The following PCDH15 variants were observed in gnomAD, a reference collection of about 807,000 sequenced individuals.
The protein encoded by PCDH15 is protocadherin related 15.
A neutral mutation model predicts 178.5 loss-of-function variants in PCDH15; 129 were observed. The ratio of observed to expected loss-of-function variants is 0.72; its 90% CI spans 0.63 to 0.84. PCDH15 has a LOEUF of 0.84. Ranked by LOEUF, PCDH15 falls within the 40% of genes least tolerant of loss-of-function variation. PCDH15 has a pLI of 0.00. For missense variants in PCDH15, 2,230 were observed against 2,099.9 expected (o/e 1.06, Z -1.21); for synonymous variants, 800 against 732.0 (o/e 1.09, Z -1.50).
intron 2 of PCDH15, among the ~76,000 whole-genome samples, chr10:55,050,193 T>C (rs747063437): frequency 3.3e-5 from 5 of 151,978 alleles, no homozygotes; most frequent in Non-Finnish European, 5.9e-5. Flanking sequence ...ATATAACAGT[T>C]TTTCCTGAGC....
intron 23 of PCDH15, among the ~76,000 whole-genome samples, chr10:53,947,671 G>T (rs36074661): frequency 0.084 from 12,845 of 152,100 alleles, 586 homozygotes; most frequent in East Asian, 0.12. Context: ...CATGAATCAG[G>T]AGAGAGATGC....
intron 2 of PCDH15, among the ~76,000 whole-genome samples, chr10:55,432,082 A>AACAAACACACACACACACACAC (rs1838893242): frequency 6.7e-6 from 1 of 148,402 alleles, no homozygotes; most frequent in Non-Finnish European, 1.5e-5. Flanking sequence ...CTATCATTTA[A>AACAAACACACACACACACACAC]ACACACACAC....
chr10:55,068,758 T>G (rs914891388), intron 2 of PCDH15, among the ~76,000 whole-genome samples: 1 of 139,810 alleles, frequency 7.2e-6, no homozygotes, highest in African/African-American at 2.6e-5. Flanking sequence ...TCTCTTCACT[T>G]TCTTTCATCA....
chr10:54,329,835 A>C, intron 6 of PCDH15, 129 bp from the exon 7 acceptor site: 1 of 721,826 alleles, frequency 1.4e-6, no homozygotes, highest in Non-Finnish European at 2.5e-6. Context: ...AATGACTATA[A>C]GCTTCAGAGT....
rs756769326 is a variant in PCDH15 at position 53,866,642 on chromosome 10, G to A, written c.3717C>T (p.Leu1239=). ...GKGLSGKADV[L]VSVVNQLDMQ... ...CTTTCCTGAAGTTTTATCTACTTAC[G>A]AGTACATCGGCTTTGCCGCTCAGTC... The change falls in exon 27 of 38, where the codon CTC becomes CTT. Residue 1239 remains leucine, a splice_region_variant and synonymous_variant. Coordinates refer to ENST00000644397, the MANE Select transcript of PCDH15 (RefSeq NM_001384140.1). The A allele has an allele frequency of 5.0e-6, 8 of 1,612,382 alleles. No homozygotes were observed. The highest frequency in any genetic ancestry group is 2.2e-5 in the South Asian group (2 of 91,014).
At chr10:55,110,700 C>T (rs1036338342) in intron 2 of PCDH15, among the ~76,000 whole-genome samples, 1 of 150,194 alleles carries the variant, frequency 6.7e-6, no homozygotes, top group African/African-American at 2.4e-5. Flanking sequence ...GACAGCCTAA[C>T]TAAAATATAA....
At chr10:55,373,659 G>A (rs1211163712) in intron 2 of PCDH15, among the ~76,000 whole-genome samples, 1 of 152,052 alleles carries the variant, frequency 6.6e-6, no homozygotes, top group Non-Finnish European at 1.5e-5. Flanking sequence ...TGAAATAATA[G>A]GGAGTGATGC....
At chr10:55,105,233 G>T (rs1164829291) in intron 2 of PCDH15, among the ~76,000 whole-genome samples, 2 of 152,014 alleles carry the variant, frequency 1.3e-5, no homozygotes, top group Non-Finnish European at 2.9e-5. Flanking sequence ...ATGCATTCAT[G>T]ACATGCCAAT....
chr10:54,933,440 A>G (rs1371166989), intron 2 of PCDH15, among the ~76,000 whole-genome samples: 1 of 152,210 alleles, frequency 6.6e-6, no homozygotes, highest in Admixed American at 6.5e-5. Flanking sequence ...GAAAAACATG[A>G]TTATTCTTGA....
At chr10:54,514,556 T>C (rs1452698769) in intron 3 of PCDH15, among the ~76,000 whole-genome samples, 1 of 151,488 alleles carries the variant, frequency 6.6e-6, no homozygotes, top group Non-Finnish European at 1.5e-5. Context: ...TTTAAAAAAG[T>C]ATGAACAAGT....
At chr10:54,410,833 A>G (rs994929380) in intron 3 of PCDH15, among the ~76,000 whole-genome samples, 2 of 152,138 alleles carry the variant, frequency 1.3e-5, no homozygotes, top group East Asian at 1.9e-4. Context: ...ACTTTCAAAA[A>G]TGATAGACCC....
At chr10:54,256,932 C>A (rs374826572) in intron 8 of PCDH15, among the ~76,000 whole-genome samples, 7 of 152,116 alleles carry the variant, frequency 4.6e-5, no homozygotes, top group African/African-American at 1.7e-4. Flanking sequence ...AATGTAAGCT[C>A]CCTGAAGCAG....
At chr10:54,575,266 A>G (rs1452785933) in intron 2 of PCDH15, 5 of 151,680 alleles carry the variant, frequency 3.3e-5, no homozygotes, top group Admixed American at 3.3e-4. Context: ...TAACCTGCAC[A>G]ATGTACACAT....
intron 2 of PCDH15, among the ~76,000 whole-genome samples, chr10:54,638,838 C>T (rs373342594): frequency 3.5e-4 from 54 of 152,128 alleles, no homozygotes; most frequent in African/African-American, 1.3e-3. Flanking sequence ...ATAGACACCA[C>T]GGAACACCGC....
chr10:54,868,334 C>T (rs866635713), intron 3 of PCDH15, among the ~76,000 whole-genome samples: 12 of 152,242 alleles, frequency 7.9e-5, no homozygotes, highest in African/African-American at 1.2e-4. Context: ...TTGATGACTA[C>T]GCATAAGCAC....
intron 1 of PCDH15, among the ~76,000 whole-genome samples, chr10:54,760,670 A>C (rs566190378): frequency 6.6e-6 from 1 of 152,160 alleles, no homozygotes; most frequent in Non-Finnish European, 1.5e-5. Context: ...TTTATTTATC[A>C]GGACTGTGAA....
chr10:54,611,750 C>G (rs945896122), intron 2 of PCDH15, among the ~76,000 whole-genome samples: 1 of 151,838 alleles, frequency 6.6e-6, no homozygotes, highest in East Asian at 1.9e-4. Flanking sequence ...GCTCTGTAAA[C>G]AGCCTACTAA....
At chr10:54,786,047 C>G (rs563798673) in intron 1 of PCDH15, among the ~76,000 whole-genome samples, 2 of 151,884 alleles carry the variant, frequency 1.3e-5, no homozygotes, top group Non-Finnish European at 2.9e-5. Flanking sequence ...ATATAATATG[C>G]ACTTATACTT....
chr10:54,878,922 T>C (rs1397184043), intron 3 of PCDH15, among the ~76,000 whole-genome samples: 1 of 152,186 alleles, frequency 6.6e-6, no homozygotes, highest in Non-Finnish European at 1.5e-5. Context: ...TCATGCAGTG[T>C]TTGGTTGAAA....
Sources: allele counts gnomAD v4.1 joint callset (sites outside exome capture counted in the v4.1 genomes callset), GRCh38; gene constraint gnomAD v4.1.1; transcripts MANE v1.5; gene names NCBI Gene and HGNC (gene_info 2026-07-23, HGNC 2026-07-21).